Variants in CLCN5 observed in about 807,000 individuals in gnomAD.
The protein encoded by CLCN5 is Cl-/H+ antiporter 5, also known as H(+)/Cl(-) exchange transporter 5.
Under a neutral mutation model 54.0 loss-of-function variants are expected in CLCN5, and 17 were observed. The ratio of observed to expected loss-of-function variants is 0.31; its 90% CI spans 0.22 to 0.47. The LOEUF (loss-of-function observed/expected upper bound fraction) is 0.47, where lower values mean the gene tolerates loss of function less well. Among genes scored for constraint, CLCN5 ranks in the 20% least tolerant of loss-of-function variants. The pLI, the probability that CLCN5 is intolerant of heterozygous loss-of-function variation, is 1.00. For missense variants in CLCN5, 448 were observed against 646.7 expected, an observed-to-expected ratio of 0.69 and a Z score of 3.33; for synonymous variants, 222 against 233.0, an observed-to-expected ratio of 0.95 and a Z score of 0.43.
At chrX:50,037,746 G>A (rs1388936836) in intron 3 of CLCN5, among the ~76,000 whole-genome samples, 1 of 112,152 alleles carries the variant, frequency 8.9e-6, no homozygotes, top group Non-Finnish European at 1.9e-5. Flanking sequence ...ACTAAATTGA[G>A]CCTTGTTATG....
intron 3 of CLCN5, among the ~76,000 whole-genome samples, chrX:49,927,676 G>A (rs1925420101): frequency 8.9e-6 from 1 of 112,027 alleles, no homozygotes; most frequent in Admixed American, 9.5e-5. Context: ...CAAAAGAAAG[G>A]AAATCAGTAT....
intron 3 of CLCN5, among the ~76,000 whole-genome samples, chrX:49,946,839 A>C (rs1208751958): frequency 1.6e-4 from 17 of 108,423 alleles, no homozygotes; most frequent in South Asian, 8.0e-4. Flanking sequence ...TTTTATTTTT[A>C]TTTTTTGAGA....
chrX:49,993,714 A>G (rs1929372891), intron 3 of CLCN5, among the ~76,000 whole-genome samples: 1 of 112,236 alleles, frequency 8.9e-6, no homozygotes, highest in Admixed American at 9.4e-5. Context: ...AAGGGAAAAT[A>G]TCATGAAAGA....
chrX:50,068,596 C>T (rs375171672), intron 4 of CLCN5, among the ~76,000 whole-genome samples: 2 of 104,417 alleles, frequency 1.9e-5, no homozygotes, highest in East Asian at 6.3e-4. Flanking sequence ...AATTGGTAAA[C>T]CAATTGTAAG....
At chrX:49,980,732 T>C (rs1312468756) in intron 3 of CLCN5, among the ~76,000 whole-genome samples, 2 of 111,549 alleles carry the variant, frequency 1.8e-5, no homozygotes, top group African/African-American at 6.5e-5. Context: ...AAATAAAATA[T>C]GACATACCAT....
At chrX:50,082,652 G>T (rs182587716) in intron 9 of CLCN5, among the ~76,000 whole-genome samples, 26 of 111,542 alleles carry the variant, frequency 2.3e-4, no homozygotes, top group African/African-American at 7.8e-4. Context: ...TGGTGAGTGG[G>T]AGAGTGAGGG....
intron 3 of CLCN5, among the ~76,000 whole-genome samples, chrX:50,035,520 A>G (rs1931952923): frequency 9.3e-6 from 1 of 107,292 alleles, no homozygotes; most frequent in African/African-American, 3.4e-5. Flanking sequence ...CAACATAGAT[A>G]TGTGAACAAA....
intron 3 of CLCN5, among the ~76,000 whole-genome samples, chrX:49,990,344 C>T (rs1929196828): frequency 9.4e-6 from 1 of 106,380 alleles, no homozygotes; most frequent in Admixed American, 1.0e-4. Flanking sequence ...TTTGGTATAC[C>T]CATCACCTGA....
In CLCN5 at chrX:50,097,398, G is replaced by A. The variant is rs1395130325; in HGVS notation, c.*5179G>A. The A allele has an allele frequency of 1.8e-5, 2 of 111,698 alleles. No individual in the cohort carries two copies. The highest frequency in any genetic ancestry group is 3.8e-5 in the Non-Finnish European group (2 of 53,114). The allele number at this position is 111,698 out of a possible 1,213,427, so 9.2% of individuals were successfully genotyped here. On this transcript the variant is annotated 3_prime_UTR_variant, in exon 15 of 15. Transcript: ENST00000376091. ...TTGCATTTCTTGGATGGGACCTATCGGGTCACCCAGCCCAGTCTTACAGTC... is the reference window on the plus strand; with the variant it reads ...TTGCATTTCTTGGATGGGACCTATCAGGTCACCCAGCCCAGTCTTACAGTC...
At chrX:50,026,944 C>T (rs1164073453) in intron 3 of CLCN5, among the ~76,000 whole-genome samples, 4 of 110,536 alleles carry the variant, frequency 3.6e-5, no homozygotes, top group Non-Finnish European at 7.6e-5. Context: ...GGTTTGGTAT[C>T]TGTCATTAAT....
intron 3 of CLCN5, among the ~76,000 whole-genome samples, chrX:50,011,613 T>G (rs1016077608): frequency 8.9e-6 from 1 of 112,310 alleles, no homozygotes; most frequent in South Asian, 3.7e-4. Flanking sequence ...TCTCTCCCAT[T>G]CTCAGCGTGC....
intron 3 of CLCN5, among the ~76,000 whole-genome samples, chrX:49,962,925 A>G (rs1301529809): frequency 8.9e-6 from 1 of 111,923 alleles, no homozygotes; most frequent in Non-Finnish European, 1.9e-5. Flanking sequence ...TATTAGAATG[A>G]TAATAGGGAA....
intron 3 of CLCN5, among the ~76,000 whole-genome samples, chrX:49,975,259 G>A (rs1488921984): frequency 9.0e-6 from 1 of 111,615 alleles, no homozygotes; most frequent in Non-Finnish European, 1.9e-5. Context: ...GGCATAAATG[G>A]GTTAATTGAA....
At chrX:50,009,065 A>T in intron 3 of CLCN5, 1 of 328,851 alleles carries the variant, frequency 3.0e-6, no homozygotes, top group Non-Finnish European at 6.1e-6. Flanking sequence ...AGGACCAACA[A>T]CCTGTCCCCT....
intron 3 of CLCN5, among the ~76,000 whole-genome samples, chrX:49,941,649 C>T (rs782053775): frequency 4.8e-4 from 53 of 111,055 alleles, no homozygotes; most frequent in Non-Finnish European, 7.7e-4. Flanking sequence ...CTAGACATAA[C>T]CTCCAGGTCC....
intron 3 of CLCN5, among the ~76,000 whole-genome samples, chrX:50,000,080 G>A (rs1407325356): frequency 7.2e-5 from 8 of 110,694 alleles, no homozygotes; most frequent in Admixed American, 1.9e-4. Context: ...CAGAACTACA[G>A]TGAGCTTTTT....
chrX:50,081,890 A>C (rs1557193248), intron 9 of CLCN5, 43 bp downstream of exon 9: 6 of 1,095,185 alleles, frequency 5.5e-6, no homozygotes, highest in Admixed American at 4.8e-5. Context: ...GGTTGTGAGC[A>C]TAAATGATAC....
intron 3 of CLCN5, among the ~76,000 whole-genome samples, chrX:50,023,282 C>G (rs1408411945): frequency 5.7e-5 from 1 of 17,653 alleles, no homozygotes; most frequent in Non-Finnish European, 7.9e-5. Context: ...TCTGTTTTAT[C>G]AGAGACTAGG....
chrX:50,032,342 A>T (rs1392573615), intron 3 of CLCN5, among the ~76,000 whole-genome samples: 8 of 110,984 alleles, frequency 7.2e-5, no homozygotes, highest in East Asian at 5.7e-4. Context: ...ACCAACAGTG[A>T]AAAAGTGTTC....
Sources: allele counts gnomAD v4.1 joint callset (sites outside exome capture counted in the v4.1 genomes callset), GRCh38; gene constraint gnomAD v4.1.1; transcripts MANE v1.5; gene names NCBI Gene and HGNC (gene_info 2026-07-23, HGNC 2026-07-21).